The following ROBO2 variants were observed in gnomAD, a reference collection of about 807,000 sequenced individuals.
The protein encoded by ROBO2 is roundabout guidance receptor 2, also known as roundabout homolog 2.
A neutral mutation model predicts 160.8 loss-of-function variants in ROBO2; 53 were observed. The ratio of observed to expected loss-of-function variants is 0.33; its 90% CI spans 0.26 to 0.41. The LOEUF is 0.41. Ranked by LOEUF, ROBO2 falls within the 10% of genes least tolerant of loss-of-function variation. The probability of loss-of-function intolerance (pLI) is 1.00; values close to 1 mark genes in which losing one functional copy is unlikely to be tolerated. For synonymous variants in ROBO2, 664 were observed against 611.7 expected, an observed-to-expected ratio of 1.09 and a Z score of -1.26; for missense variants, 1,577 against 1,722.4, an observed-to-expected ratio of 0.92 and a Z score of 1.49.
At chr3:76,336,958 T>C (rs1475788026) in intron 2 of ROBO2, among the ~76,000 whole-genome samples, 2 of 152,110 alleles carry the variant, frequency 1.3e-5, no homozygotes, top group Non-Finnish European at 2.9e-5. Context: ...TAAAATAGAT[T>C]CTGAAAAATG....
chr3:77,241,077 CA>C (rs35234414), intron 2 of ROBO2, among the ~76,000 whole-genome samples: 46,720 of 152,082 alleles, frequency 0.31, 7,595 homozygotes, highest in Non-Finnish European at 0.36. Flanking sequence ...TCTTGATAAA[CA>C]GTTTTGATGA....
chr3:76,872,602 A>G (rs982765778), intron 2 of ROBO2, among the ~76,000 whole-genome samples: 1 of 152,060 alleles, frequency 6.6e-6, no homozygotes, highest in Non-Finnish European at 1.5e-5. Context: ...AGGCTATGAA[A>G]CTTAAAATCA....
chr3:76,421,292 G>A (rs966320441), intron 2 of ROBO2, among the ~76,000 whole-genome samples: 2 of 152,116 alleles, frequency 1.3e-5, no homozygotes, highest in African/African-American at 4.8e-5. Context: ...GGTGCATTTT[G>A]TACTCATTCA....
intron 2 of ROBO2, among the ~76,000 whole-genome samples, chr3:76,114,413 A>G (rs2070372718): frequency 6.6e-6 from 1 of 152,170 alleles, no homozygotes; most frequent in Non-Finnish European, 1.5e-5. Context: ...TCAATAAAGG[A>G]GTAATATTAA....
exon 1 of ROBO2, chr3:77,040,027 T>A (rs1347568636): frequency 2.3e-6 from 2 of 871,452 alleles, no homozygotes; most frequent in Non-Finnish European, 2.8e-6. Flanking sequence ...CGGGGGTGTC[T>A]GCAGCCTCGG....
At chr3:75,927,847 G>A (rs1183451614) in intron 1 of ROBO2, among the ~76,000 whole-genome samples, 1 of 152,022 alleles carries the variant, frequency 6.6e-6, no homozygotes, top group African/African-American at 2.4e-5. Flanking sequence ...AAAATAAAAC[G>A]TAACATGTTT....
chr3:76,791,817 C>G (rs901385756), intron 2 of ROBO2, among the ~76,000 whole-genome samples: 1 of 146,878 alleles, frequency 6.8e-6, no homozygotes, highest in African/African-American at 2.7e-5. Flanking sequence ...GTTGAATAGT[C>G]ACACACACAC....
chr3:77,180,434 A>ATATATATATATTTTT (rs1157882762), intron 2 of ROBO2, among the ~76,000 whole-genome samples: 1 of 81,666 alleles, frequency 1.2e-5, no homozygotes, highest in Non-Finnish European at 2.7e-5. Context: ...ATATATATGT[A>ATATATATATATTTTT]TTTTTTTTTT....
At chr3:77,529,627 A>G (rs779107069) in intron 6 of ROBO2, among the ~76,000 whole-genome samples, 27 of 151,858 alleles carry the variant, frequency 1.8e-4, no homozygotes, top group Non-Finnish European at 3.5e-4. Context: ...TACACAGAGT[A>G]TTGAGATGTA....
intron 2 of ROBO2, among the ~76,000 whole-genome samples, chr3:76,924,684 A>C (rs1287918421): frequency 6.6e-6 from 1 of 152,082 alleles, no homozygotes; most frequent in African/African-American, 2.4e-5. Flanking sequence ...GCACAAACTC[A>C]CTGAATCAGA....
intron 2 of ROBO2, among the ~76,000 whole-genome samples, chr3:77,011,414 C>T (rs538621747): frequency 1.6e-4 from 25 of 152,242 alleles, no homozygotes; most frequent in African/African-American, 5.8e-4. Context: ...CAAGTATCTT[C>T]AGCTTATTAC....
intron 2 of ROBO2, among the ~76,000 whole-genome samples, chr3:76,097,519 G>A (rs1266747164): frequency 6.6e-6 from 1 of 152,164 alleles, no homozygotes; most frequent in Non-Finnish European, 1.5e-5. Context: ...AATGAGTATT[G>A]TGATAGGCAA....
At chr3:77,031,714 ATAT>A (rs1263238932) in intron 2 of ROBO2, among the ~76,000 whole-genome samples, 4 of 147,316 alleles carry the variant, frequency 2.7e-5, no homozygotes, top group South Asian at 2.1e-4. Context: ...CATTATAATT[ATAT>A]TATTATATAT....
chr3:76,456,218 A>T (rs541611350), intron 2 of ROBO2, among the ~76,000 whole-genome samples: 3 of 152,206 alleles, frequency 2.0e-5, no homozygotes, highest in African/African-American at 4.8e-5. Flanking sequence ...CTGTTGCTGG[A>T]TGAATGTTGC....
At chr3:76,992,618 G>A (rs868289026) in intron 2 of ROBO2, among the ~76,000 whole-genome samples, 2 of 151,538 alleles carry the variant, frequency 1.3e-5, no homozygotes, top group South Asian at 2.1e-4. Context: ...TTGGCATAAC[G>A]TCAATTTTTT....
intron 2 of ROBO2, among the ~76,000 whole-genome samples, chr3:76,158,878 C>T (rs2072513226): frequency 6.6e-6 from 1 of 152,018 alleles, no homozygotes; most frequent in Non-Finnish European, 1.5e-5. Flanking sequence ...ATCATCTTTA[C>T]CATAAAAATA....
At chr3:76,178,076 T>C (rs1489504073) in intron 2 of ROBO2, among the ~76,000 whole-genome samples, 1 of 152,050 alleles carries the variant, frequency 6.6e-6, no homozygotes, top group Non-Finnish European at 1.5e-5. Context: ...ATTTGATAGC[T>C]CCCCAAAAAG....
chr3:77,262,665 A>G (rs911795221), intron 2 of ROBO2, among the ~76,000 whole-genome samples: 5 of 152,204 alleles, frequency 3.3e-5, no homozygotes, highest in African/African-American at 1.2e-4. Context: ...TATATGCCAA[A>G]AAAAGCTTCC....
chr3:77,055,599 A>T (rs1321736994), intron 1 of ROBO2, among the ~76,000 whole-genome samples: 1 of 152,178 alleles, frequency 6.6e-6, no homozygotes, highest in East Asian at 1.9e-4. Context: ...AGAAAAATAT[A>T]CATTTGGAAG....
Sources: allele counts gnomAD v4.1 joint callset (sites outside exome capture counted in the v4.1 genomes callset), GRCh38; gene constraint gnomAD v4.1.1; transcripts MANE v1.5; gene names NCBI Gene and HGNC (gene_info 2026-07-23, HGNC 2026-07-21).